Variants in UBE2H observed in about 807,000 individuals in gnomAD.
The protein encoded by UBE2H is ubiquitin conjugating enzyme E2 H.
UBE2H carries 3 observed loss-of-function variants against 29.0 expected under a neutral mutation model. The observed-to-expected ratio is 0.10, with a 90% CI of 0.05 to 0.27. The LOEUF is 0.27. Among genes scored for constraint, UBE2H ranks in the 10% least tolerant of loss-of-function variants. The pLI is 1.00. For missense variants in UBE2H, 68 were observed against 228.2 expected, an observed-to-expected ratio of 0.30 and a Z score of 4.52; for synonymous variants, 69 against 82.9, an observed-to-expected ratio of 0.83 and a Z score of 0.91.
Position 129,918,362 on chromosome 7 carries a change from C to CTT in UBE2H, c.53+34139_53+34140dup, listed in dbSNP as rs777719323. ...AGACATTGTCCAAAAAATCCAAATT[C>CTT]TTTTTTTTTTTTTTTTGAGACAGTC... is the stretch of plus-strand genomic sequence containing the variant. On this transcript the variant is annotated intron_variant, in intron 1 of 6. Coordinates refer to ENST00000355621, the MANE Select transcript of UBE2H (RefSeq NM_003344.4). Among the ~76,000 whole-genome samples the CTT allele has an allele frequency of 3.8e-3, 528 of 139,714 alleles. 4 individuals carry two copies. The highest frequency in any genetic ancestry group is 0.012 in the African/African-American group (464 of 37,972). The allele number at this position is 139,714 out of a possible 152,430, so 91.7% of individuals were successfully genotyped here. A position where few individuals can be genotyped will look rare whatever the true frequency, so the allele number is the denominator to read the frequency against.
intron 5 of UBE2H, among the ~76,000 whole-genome samples, chr7:129,846,618 G>A (rs1805516711): frequency 6.6e-6 from 1 of 152,114 alleles, no homozygotes; most frequent in South Asian, 2.1e-4. Context: ...TTAAAATCCT[G>A]TGGATACCCA....
At chr7:129,894,682 T>A (rs1397134266) in intron 1 of UBE2H, among the ~76,000 whole-genome samples, 7 of 151,854 alleles carry the variant, frequency 4.6e-5, no homozygotes, top group Non-Finnish European at 1.0e-4. Flanking sequence ...AGAGATGGGG[T>A]TTCACCATGT....
At chr7:129,950,888 C>T (rs939241106) in intron 1 of UBE2H, among the ~76,000 whole-genome samples, 4 of 152,162 alleles carry the variant, frequency 2.6e-5, no homozygotes, top group African/African-American at 9.7e-5. Context: ...CCACAAACAG[C>T]TCATAAAGAG....
intron 1 of UBE2H, among the ~76,000 whole-genome samples, chr7:129,935,713 G>A (rs1213383858): frequency 6.6e-6 from 1 of 152,094 alleles, no homozygotes. Context: ...AGGATTAACA[G>A]ACATTACTAG....
intron 1 of UBE2H, among the ~76,000 whole-genome samples, chr7:129,950,828 GA>G (rs1317218375): frequency 6.6e-6 from 1 of 152,192 alleles, no homozygotes; most frequent in African/African-American, 2.4e-5. Flanking sequence ...GCAGCCTTAT[GA>G]AAAGCCAACA....
intron 3 of UBE2H, among the ~76,000 whole-genome samples, chr7:129,862,326 A>C (rs748131881): frequency 6.6e-6 from 1 of 152,256 alleles, no homozygotes; most frequent in Non-Finnish European, 1.5e-5. Context: ...CGTCTATGGC[A>C]AAGGTTCCCA....
intron 1 of UBE2H, among the ~76,000 whole-genome samples, chr7:129,929,533 A>G (rs1217536896): frequency 6.6e-6 from 1 of 152,142 alleles, no homozygotes; most frequent in Non-Finnish European, 1.5e-5. Context: ...AGACATCTCA[A>G]TTTCAAAGAT....
chr7:129,881,176 G>A (rs768193749), intron 1 of UBE2H, among the ~76,000 whole-genome samples: 7 of 152,148 alleles, frequency 4.6e-5, no homozygotes, highest in Non-Finnish European at 5.9e-5. Context: ...AGAGACGGCC[G>A]TTCAAATCCC....
chr7:129,939,562 CT>C (rs1412875239), intron 1 of UBE2H, among the ~76,000 whole-genome samples: 1 of 152,164 alleles, frequency 6.6e-6, no homozygotes, highest in Non-Finnish European at 1.5e-5. Context: ...ACCAATCAAC[CT>C]TCTACATACA....
intron 3 of UBE2H, among the ~76,000 whole-genome samples, chr7:129,876,975 A>T (rs992112691): frequency 6.6e-6 from 1 of 152,214 alleles, no homozygotes; most frequent in African/African-American, 2.4e-5. Context: ...TATATATTTA[A>T]ATATTCAGAG....
chr7:129,893,410 G>A (rs536318755), intron 1 of UBE2H, among the ~76,000 whole-genome samples: 10 of 152,170 alleles, frequency 6.6e-5, no homozygotes, highest in East Asian at 5.8e-4. Flanking sequence ...TTTAAGACAG[G>A]TTTATCAGAA....
chr7:129,908,551 T>A (rs921654439), intron 1 of UBE2H, among the ~76,000 whole-genome samples: 20 of 152,222 alleles, frequency 1.3e-4, no homozygotes, highest in African/African-American at 2.4e-5. Flanking sequence ...GATGCCTATT[T>A]CACGTCTCTG....
chr7:129,947,108 A>G (rs1807780599), intron 1 of UBE2H, among the ~76,000 whole-genome samples: 1 of 152,256 alleles, frequency 6.6e-6, no homozygotes, highest in Non-Finnish European at 1.5e-5. Context: ...TTTATGGGTC[A>G]CATCTGCGAA....
Position 129,952,764 on chromosome 7 carries a change from C to T in UBE2H, c.-209G>A. The T allele has an allele frequency of 5.2e-6, 2 of 381,928 alleles. No individual in the cohort carries two copies. Among genetic ancestry groups the T allele is most frequent in the Non-Finnish European group, 8.9e-6 (2 of 225,390 alleles). The allele number at this position is 381,928 out of a possible 1,614,324, so 23.7% of individuals were successfully genotyped here. A position where few individuals can be genotyped will look rare whatever the true frequency, so the allele number is the denominator to read the frequency against. ...GGTGGGGGTGGGGACCCTGCGGCGC[C>T]CGGCTCGGGCTGCCCCTCTCCGGCT... On this transcript the variant is annotated 5_prime_UTR_variant, in exon 1 of 7. Coordinates refer to ENST00000355621, the MANE Select transcript of UBE2H (RefSeq NM_003344.4).
chr7:129,915,307 C>T (rs117232923), intron 1 of UBE2H, among the ~76,000 whole-genome samples: 9,480 of 152,204 alleles, frequency 0.062, 364 homozygotes, highest in Non-Finnish European at 0.091. Context: ...GAGGTTGAGA[C>T]GGGCAGATCA....
chr7:129,882,104 C>T (rs535220099), intron 1 of UBE2H, among the ~76,000 whole-genome samples: 1 of 152,302 alleles, frequency 6.6e-6, no homozygotes, highest in East Asian at 1.9e-4. Flanking sequence ...CTAAAACTTA[C>T]CTACCCCTGA....
At chr7:129,903,155 C>T (rs981043188) in intron 1 of UBE2H, among the ~76,000 whole-genome samples, 2 of 152,160 alleles carry the variant, frequency 1.3e-5, no homozygotes, top group South Asian at 4.1e-4. Flanking sequence ...AATCTAAACA[C>T]TAGTTTAAAG....
At chr7:129,909,693 TA>T (rs999358257) in intron 1 of UBE2H, among the ~76,000 whole-genome samples, 1 of 151,956 alleles carries the variant, frequency 6.6e-6, no homozygotes, top group African/African-American at 2.4e-5. Flanking sequence ...CTGTCTGTAT[TA>T]AAAAATATAT....
chr7:129,929,216 C>T (rs917017318), intron 1 of UBE2H, among the ~76,000 whole-genome samples: 8 of 151,814 alleles, frequency 5.3e-5, no homozygotes, highest in Non-Finnish European at 1.0e-4. Context: ...ACTTGGGGGG[C>T]CGAGGCAGGA....
Sources: gnomAD v4.1 joint callset for allele counts (sites outside exome capture counted in the v4.1 genomes callset) on GRCh38, gnomAD v4.1.1 for gene constraint, MANE v1.5 for transcripts, NCBI Gene and HGNC (gene_info 2026-07-23, HGNC 2026-07-21) for gene names.